The following CPS1 variants were observed in gnomAD, a reference collection of about 807,000 sequenced individuals.
CPS1 encodes carbamoyl-phosphate synthase 1.
In CPS1, 109 loss-of-function variants were observed where a neutral mutation model predicts 174.6. That is an observed-to-expected ratio of 0.62 (90% CI 0.53 to 0.73). The LOEUF (loss-of-function observed/expected upper bound fraction) is 0.73, where lower values mean the gene tolerates loss of function less well. Among genes scored for constraint, CPS1 ranks in the 30% least tolerant of loss-of-function variants. CPS1 has a pLI of 0.00. For synonymous variants in CPS1, 637 were observed against 632.0 expected (o/e 1.01, Z -0.12); for missense variants, 1,689 against 1,821.9 (o/e 0.93, Z 1.33).
At chr2:210,515,077 A>G (rs1307396014) in intron 1 of CPS1, among the ~76,000 whole-genome samples, 2 of 151,620 alleles carry the variant, frequency 1.3e-5, no homozygotes, top group African/African-American at 2.4e-5. Context: ...ACTTTTCAAT[A>G]TGCTGTTGAA....
intron 1 of CPS1, among the ~76,000 whole-genome samples, chr2:210,534,318 G>A (rs781064426): frequency 4.6e-5 from 7 of 152,140 alleles, no homozygotes; most frequent in Non-Finnish European, 8.8e-5. Context: ...GGGATGAAGG[G>A]CACCTTTGAA....
At chr2:210,625,975 G>A (rs553464857) in intron 21 of CPS1, among the ~76,000 whole-genome samples, 67 of 152,160 alleles carry the variant, frequency 4.4e-4, no homozygotes, top group Middle Eastern at 3.4e-3. Context: ...AATAGTTGAC[G>A]CCACACAGTC....
At chr2:210,532,182 T>C (rs1057450611) in intron 1 of CPS1, among the ~76,000 whole-genome samples, 3 of 152,160 alleles carry the variant, frequency 2.0e-5, no homozygotes, top group African/African-American at 4.8e-5. Flanking sequence ...TGAGGCATTT[T>C]AGAGAGCATT....
intron 28 of CPS1, 127 bp from the exon 29 acceptor site, chr2:210,653,898 T>TA (rs1208048522): frequency 2.6e-6 from 2 of 755,336 alleles, no homozygotes; most frequent in Non-Finnish European, 4.8e-6. Context: ...TTTATGTAGT[T>TA]ATGTTCAGCC....
At chr2:210,508,478 C>G (rs1188364049) in intron 1 of CPS1, among the ~76,000 whole-genome samples, 2 of 151,930 alleles carry the variant, frequency 1.3e-5, no homozygotes, top group East Asian at 1.9e-4. Flanking sequence ...ACTAGAGAAG[C>G]AAGAGCAAAC....
chr2:210,676,825 A>G (rs1369923070), intron 36 of CPS1, among the ~76,000 whole-genome samples, 182 bp from the exon 37 acceptor site: 1 of 152,228 alleles, frequency 6.6e-6, no homozygotes, highest in Non-Finnish European at 1.5e-5. Flanking sequence ...TTCCTTCAAG[A>G]ACACAATATA....
intron 20 of CPS1, among the ~76,000 whole-genome samples, chr2:210,613,750 A>G (rs972251134): frequency 6.6e-6 from 1 of 151,978 alleles, no homozygotes; most frequent in African/African-American, 2.4e-5. Flanking sequence ...ACAGACTTAT[A>G]AAAGATGAGA....
chr2:210,664,331 T>C (rs1701020560), intron 33 of CPS1, among the ~76,000 whole-genome samples: 1 of 152,046 alleles, frequency 6.6e-6, no homozygotes, highest in Non-Finnish European at 1.5e-5. Context: ...CTGTTTTATT[T>C]TTCTTTCTTC....
intron 1 of CPS1, among the ~76,000 whole-genome samples, chr2:210,517,294 C>T (rs1304165751): frequency 6.6e-6 from 1 of 151,918 alleles, no homozygotes; most frequent in Non-Finnish European, 1.5e-5. Context: ...GCATAATCTT[C>T]AAAGAGTCTT....
intron 1 of CPS1, among the ~76,000 whole-genome samples, chr2:210,478,008 C>T (rs1047705998): frequency 2.6e-5 from 4 of 152,144 alleles, no homozygotes; most frequent in African/African-American, 9.7e-5. Context: ...AATCCTTTCC[C>T]CTAATGATGG....
intron 1 of CPS1, among the ~76,000 whole-genome samples, chr2:210,495,966 A>C: frequency 6.7e-6 from 1 of 149,786 alleles, no homozygotes; most frequent in East Asian, 2.0e-4. Flanking sequence ...CTCCTTCCTT[A>C]CCTTCCTCCC....
At chr2:210,505,710 C>T (rs890928868) in intron 1 of CPS1, among the ~76,000 whole-genome samples, 3 of 152,300 alleles carry the variant, frequency 2.0e-5, no homozygotes, top group South Asian at 2.1e-4. Context: ...CTTTTCCAAC[C>T]GTCTTAGCAA....
At chr2:210,498,684 G>C (rs1260698258) in intron 1 of CPS1, among the ~76,000 whole-genome samples, 1 of 152,120 alleles carries the variant, frequency 6.6e-6, no homozygotes, top group African/African-American at 2.4e-5. Context: ...TCTAGGCATG[G>C]AGCTGGGAAA....
chr2:210,558,780 A>T (rs1169751886), intron 1 of CPS1, among the ~76,000 whole-genome samples: 1 of 152,078 alleles, frequency 6.6e-6, no homozygotes, highest in Non-Finnish European at 1.5e-5. Flanking sequence ...AAAATGGTCT[A>T]ATTATGTGGA....
intron 28 of CPS1, among the ~76,000 whole-genome samples, chr2:210,651,186 T>A (rs1164995526): frequency 6.6e-6 from 1 of 151,304 alleles, no homozygotes; most frequent in African/African-American, 2.4e-5. Context: ...TAGAGAAGAG[T>A]TTGATGTTAG....
intron 28 of CPS1, among the ~76,000 whole-genome samples, chr2:210,651,732 A>C (rs1171787545): frequency 6.6e-6 from 1 of 152,216 alleles, no homozygotes; most frequent in East Asian, 1.9e-4. Context: ...TTACAGTTCA[A>C]TGTTCCCTAT....
chr2:210,659,916 C>A (rs1237666517), intron 31 of CPS1, among the ~76,000 whole-genome samples: 2 of 152,102 alleles, frequency 1.3e-5, no homozygotes, highest in Admixed American at 1.3e-4. Flanking sequence ...TGAACTGGAT[C>A]TCGCAAAACG....
chr2:210,618,500 T>G (rs1023998811), intron 21 of CPS1: 1 of 152,142 alleles, frequency 6.6e-6, no homozygotes, highest in Admixed American at 6.6e-5. Context: ...AACCCTGAAC[T>G]CATTATCTGA....
At chr2:210,555,027 T>C (rs1696864197), upstream of CPS1, among the ~76,000 whole-genome samples, 4 of 152,120 alleles carry the variant, frequency 2.6e-5, no homozygotes, top group South Asian at 8.3e-4. Flanking sequence ...AATTTCGCCT[T>C]TATTTCTTGT....
Sources: allele counts gnomAD v4.1 joint callset (sites outside exome capture counted in the v4.1 genomes callset), GRCh38; gene constraint gnomAD v4.1.1; transcripts MANE v1.5; gene names NCBI Gene and HGNC (gene_info 2026-07-23, HGNC 2026-07-21).